Variants in SLC25A48 observed in about 807,000 individuals in gnomAD.
The protein encoded by SLC25A48 is solute carrier family 25 member 48, also known as CTC-321K16.1.
SLC25A48 carries 29 observed loss-of-function variants against 32.2 expected under a neutral mutation model. The ratio of observed to expected loss-of-function variants is 0.90; its 90% CI spans 0.67 to 1.23. The LOEUF (loss-of-function observed/expected upper bound fraction) is 1.23. SLC25A48 is among the 50% of genes most tolerant of loss of function. The probability of loss-of-function intolerance (pLI) is 0.00; values close to 1 mark genes in which losing one functional copy is unlikely to be tolerated. For missense variants in SLC25A48, 399 were observed against 422.7 expected (o/e 0.94, Z 0.49); for synonymous variants, 164 against 172.3 (o/e 0.95, Z 0.38).
intron 4 of SLC25A48, among the ~76,000 whole-genome samples, chr5:135,817,239 A>G (rs1757743695): frequency 6.6e-6 from 1 of 152,220 alleles, no homozygotes; most frequent in Non-Finnish European, 1.5e-5. Flanking sequence ...AGATGCTGCT[A>G]AACATCCAAC....
rs138022341 is a variant in SLC25A48 at position 135,707,513 on chromosome 5, C to T, written c.-521+72557C>T. Among the ~76,000 whole-genome samples the T allele has an allele frequency of 4.6e-3, 699 of 152,220 alleles. 8 individuals carry two copies. Among genetic ancestry groups the T allele is most frequent in the African/African-American group, 0.016 (664 of 41,540 alleles). On this transcript the variant is annotated intron_variant, in intron 3 of 10. Coordinates refer to the SLC25A48 transcript ENST00000646290. ...CTTCCTTGCTGTTCTTTTCAGACTC[C>T]CGCCGCCCCCGCCCTTGGGTCCCCG...
chr5:135,887,991 C>T (rs1334274014), intron 7 of SLC25A48, 41 bp from the exon 8 acceptor site: 2 of 1,541,852 alleles, frequency 1.3e-6, no homozygotes, highest in African/African-American at 1.4e-5. Flanking sequence ...CTGTTCTTTG[C>T]CTGCCTTCTT....
At chr5:135,779,069 C>A (rs1009154448) in intron 3 of SLC25A48, among the ~76,000 whole-genome samples, 4 of 151,732 alleles carry the variant, frequency 2.6e-5, no homozygotes, top group South Asian at 2.1e-4. Flanking sequence ...AGGTGTACAA[C>A]CCCCTGTGAT....
chr5:135,695,330 A>G (rs141801537), intron 3 of SLC25A48, among the ~76,000 whole-genome samples: 35 of 152,284 alleles, frequency 2.3e-4, no homozygotes, highest in African/African-American at 5.8e-4. Flanking sequence ...CTTACTGTCA[A>G]TCTCCTCTAC....
At chr5:135,680,556 C>T (rs1753871437) in intron 3 of SLC25A48, among the ~76,000 whole-genome samples, 1 of 152,206 alleles carries the variant, frequency 6.6e-6, no homozygotes, top group African/African-American at 2.4e-5. Flanking sequence ...TTCCACATGG[C>T]TGGGAAGACC....
intron 3 of SLC25A48, among the ~76,000 whole-genome samples, chr5:135,687,478 A>G (rs1754043014): frequency 6.6e-6 from 1 of 152,088 alleles, no homozygotes; most frequent in East Asian, 1.9e-4. Flanking sequence ...TTAAATATTC[A>G]TTTTATTTTT....
At chr5:135,756,104 CTATG>C (rs1260939261) in intron 3 of SLC25A48, among the ~76,000 whole-genome samples, 27 of 151,542 alleles carry the variant, frequency 1.8e-4, no homozygotes, top group Non-Finnish European at 3.4e-4. Context: ...TGTCAACACA[CTATG>C]GTATTAATGA....
intron 7 of SLC25A48, chr5:135,883,283 A>G: frequency 1.0e-6 from 1 of 985,500 alleles, no homozygotes; most frequent in Non-Finnish European, 1.2e-6. Context: ...TCAACTGATC[A>G]CCAACTATTC....
intron 2 of SLC25A48, among the ~76,000 whole-genome samples, chr5:135,846,343 G>A (rs11952558): frequency 0.044 from 6,722 of 152,222 alleles, 495 homozygotes; most frequent in African/African-American, 0.15. Context: ...GGGGGTGTCT[G>A]CCTCCTTCTC....
At chr5:135,652,488 G>T (rs1753140239) in intron 3 of SLC25A48, 1 of 454,878 alleles carries the variant, frequency 2.2e-6, no homozygotes, top group South Asian at 1.6e-5. Flanking sequence ...GTGGTGCAAT[G>T]GATTAATTCC....
intron 3 of SLC25A48, among the ~76,000 whole-genome samples, chr5:135,753,843 T>C (rs1384572714): frequency 6.6e-6 from 1 of 151,958 alleles, no homozygotes; most frequent in Non-Finnish European, 1.5e-5. Flanking sequence ...TTATTATGCA[T>C]GACATCACGT....
chr5:135,842,641 C>T (rs1042532572), intron 2 of SLC25A48, among the ~76,000 whole-genome samples, 182 bp downstream of exon 2: 1 of 152,088 alleles, frequency 6.6e-6, no homozygotes, highest in African/African-American at 2.4e-5. Context: ...CCTCAGAGGT[C>T]CAGGTAGAAC....
At chr5:135,654,969 A>G (rs1004925701) in intron 3 of SLC25A48, among the ~76,000 whole-genome samples, 18 of 152,204 alleles carry the variant, frequency 1.2e-4, no homozygotes, top group Admixed American at 9.2e-4. Flanking sequence ...TTGAAACGAC[A>G]TCCATCTGTC....
intron 2 of SLC25A48, among the ~76,000 whole-genome samples, chr5:135,843,982 A>G (rs1759214513): frequency 6.6e-6 from 1 of 152,186 alleles, no homozygotes; most frequent in South Asian, 2.1e-4. Context: ...TTACTAGCAT[A>G]TCACGGCTGA....
intron 1 of SLC25A48, among the ~76,000 whole-genome samples, chr5:135,600,210 T>C (rs1410177392): frequency 6.6e-6 from 1 of 152,260 alleles, no homozygotes; most frequent in Non-Finnish European, 1.5e-5. Flanking sequence ...TTCACGGCTC[T>C]GATGCTGATG....
At chr5:135,767,121 T>G (rs960418454) in intron 3 of SLC25A48, among the ~76,000 whole-genome samples, 1 of 72,454 alleles carries the variant, frequency 1.4e-5, no homozygotes, top group Non-Finnish European at 2.9e-5. Context: ...TACATTCCCT[T>G]GACATGTTTT....
chr5:135,713,999 A>G (rs1754735634), intron 3 of SLC25A48, among the ~76,000 whole-genome samples: 1 of 152,188 alleles, frequency 6.6e-6, no homozygotes, highest in African/African-American at 2.4e-5. Flanking sequence ...CTGGAGCAGG[A>G]GTGCGGGCGA....
chr5:135,676,124 T>G (rs1000809717), intron 3 of SLC25A48, among the ~76,000 whole-genome samples: 1 of 151,914 alleles, frequency 6.6e-6, no homozygotes, highest in East Asian at 1.9e-4. Context: ...TATTTCTAGT[T>G]ATAGGATCAT....
chr5:135,830,915 G>A (rs1394488606), upstream of SLC25A48, among the ~76,000 whole-genome samples: 1 of 152,196 alleles, frequency 6.6e-6, no homozygotes, highest in Non-Finnish European at 1.5e-5. Flanking sequence ...CATTGCACAA[G>A]GACTGAGCGG....
Sources: allele counts gnomAD v4.1 joint callset (sites outside exome capture counted in the v4.1 genomes callset), GRCh38; gene constraint gnomAD v4.1.1; transcripts MANE v1.5; gene names NCBI Gene and HGNC (gene_info 2026-07-23, HGNC 2026-07-21).